ARMC9: variants seen among roughly 807,000 people sequenced by gnomAD.
ARMC9 encodes the protein lisH domain-containing protein ARMC9.
In ARMC9, 94 loss-of-function variants were observed where a neutral mutation model predicts 107.0. The ratio of observed to expected loss-of-function variants is 0.88; its 90% CI spans 0.74 to 1.04. The LOEUF is 1.04. Ranked by LOEUF, ARMC9 falls within the 50% of genes least tolerant of loss-of-function variation. The probability of loss-of-function intolerance (pLI) is 0.00; values close to 1 mark genes in which losing one functional copy is unlikely to be tolerated. For missense variants in ARMC9, 942 were observed against 1,030.1 expected, an observed-to-expected ratio of 0.91 and a Z score of 1.17; for synonymous variants, 380 against 396.9, an observed-to-expected ratio of 0.96 and a Z score of 0.51.
chr2:231,201,506 C>A (rs1374361711), intron 1 of ARMC9, among the ~76,000 whole-genome samples: 1 of 152,228 alleles, frequency 6.6e-6, no homozygotes, highest in Non-Finnish European at 1.5e-5. Flanking sequence ...CTGCCCACTC[C>A]CGTGGTCGGG....
intron 23 of ARMC9, among the ~76,000 whole-genome samples, chr2:231,364,923 G>A (rs1162207726): frequency 6.6e-6 from 1 of 152,252 alleles, no homozygotes; most frequent in African/African-American, 2.4e-5. Flanking sequence ...CAGTGCCTGT[G>A]TTGACCTAGG....
At chr2:231,357,175 G>A (rs1489265820) in intron 22 of ARMC9, among the ~76,000 whole-genome samples, 1 of 152,208 alleles carries the variant, frequency 6.6e-6, no homozygotes, top group Non-Finnish European at 1.5e-5. Flanking sequence ...CAAAGTCTGG[G>A]CCCAGGCACA....
chr2:231,251,061 A>G (rs1416344634), intron 9 of ARMC9, among the ~76,000 whole-genome samples: 1 of 152,166 alleles, frequency 6.6e-6, no homozygotes, highest in African/African-American at 2.4e-5. Flanking sequence ...AGCCCCTGGC[A>G]TGGGGATTGG....
intron 20 of ARMC9, among the ~76,000 whole-genome samples, chr2:231,335,544 A>C (rs1244138134): frequency 6.6e-6 from 1 of 152,188 alleles, no homozygotes; most frequent in East Asian, 1.9e-4. Context: ...CAAAATGCTG[A>C]AGAGCACGGC....
intron 1 of ARMC9, among the ~76,000 whole-genome samples, chr2:231,201,470 G>T (rs2030958827): frequency 6.6e-6 from 1 of 152,158 alleles, no homozygotes; most frequent in African/African-American, 2.4e-5. Context: ...TTACTTGCAG[G>T]CGTCTCTTTC....
intron 21 of ARMC9, among the ~76,000 whole-genome samples, chr2:231,354,003 A>G (rs535411447): frequency 1.5e-5 from 2 of 137,238 alleles, no homozygotes; most frequent in East Asian, 3.9e-4. Context: ...ACACACACAC[A>G]CACACACACA....
intron 1 of ARMC9, among the ~76,000 whole-genome samples, chr2:231,202,768 G>A (rs2031275354): frequency 6.6e-6 from 1 of 152,178 alleles, no homozygotes; most frequent in South Asian, 2.1e-4. Context: ...CACGAAGGGT[G>A]ACTTGACAGT....
In ARMC9 at chr2:231,362,132, ACCTG is replaced by A; in HGVS notation, c.2261+1254_2261+1257del. On this transcript the variant is annotated intron_variant, in intron 23 of 24. Coordinates refer to ENST00000611582, the MANE Select transcript of ARMC9 (RefSeq NM_001352754.2). This position sits in a 1 kb window ranked among gnomAD's most constrained non-coding sequence, Gnocchi z 4.7. ...CTGGACTCCTCCAGTTCCACTGCCA[ACCTG>A]CCTGGGGACCCAGGGACCTACCTCC... 6.6e-6 allele frequency among the ~76,000 whole-genome samples: 1 copy of A among 152,202 alleles called. No homozygotes were observed. Among genetic ancestry groups the A allele is most frequent in the Non-Finnish European group, 1.5e-5 (1 of 67,992 alleles).
chr2:231,316,733 A>G (rs1385348614), intron 19 of ARMC9, among the ~76,000 whole-genome samples: 2 of 151,542 alleles, frequency 1.3e-5, no homozygotes, highest in African/African-American at 4.8e-5. Flanking sequence ...CACTTTTAAT[A>G]GGTCATTCTT....
intron 19 of ARMC9, 127 bp downstream of exon 19, chr2:231,296,380 G>C (rs2041367278): frequency 1.1e-6 from 1 of 877,578 alleles, no homozygotes; most frequent in Non-Finnish European, 1.7e-6. Flanking sequence ...ACAATTCTGA[G>C]GGTTGGCTAA....
At chr2:231,300,453 G>A (rs775212010) in intron 19 of ARMC9, among the ~76,000 whole-genome samples, 1 of 152,206 alleles carries the variant, frequency 6.6e-6, no homozygotes, top group Non-Finnish European at 1.5e-5. Flanking sequence ...CCTAGATAGG[G>A]AAGATCACAG....
rs2045517081 is a variant in ARMC9, at chr2:231,360,320, G to A, written c.2132-434G>A. 6.6e-6 allele frequency among the ~76,000 whole-genome samples: 1 copy of A among 152,072 alleles called. No individual in the cohort carries two copies. The highest frequency in any genetic ancestry group is 2.1e-4 in the South Asian group (1 of 4,832). ...AAGGAGCCTTGGGCTGCTCGGTGAG[G>A]AGCACCCTACCTCTCAGGTTGTTGG... On this transcript the variant is annotated intron_variant, in intron 22 of 24. Transcript: ENST00000611582. This position sits in a 1 kb window ranked among gnomAD's most constrained non-coding sequence, Gnocchi z 4.7.
intron 18 of ARMC9, among the ~76,000 whole-genome samples, chr2:231,292,698 C>G (rs2041099235): frequency 6.6e-6 from 1 of 152,204 alleles, no homozygotes; most frequent in South Asian, 2.1e-4. Context: ...GTCACTGAGT[C>G]TCTCTCCATG....
chr2:231,203,559 C>A (rs137875366), intron 1 of ARMC9, among the ~76,000 whole-genome samples: 2 of 152,244 alleles, frequency 1.3e-5, no homozygotes, highest in Admixed American at 1.3e-4. Flanking sequence ...CATCAGCAGC[C>A]GGGCGTGGTG....
At chr2:231,229,578 G>T (rs1199265172) in intron 7 of ARMC9, among the ~76,000 whole-genome samples, 1 of 152,236 alleles carries the variant, frequency 6.6e-6, no homozygotes, top group Non-Finnish European at 1.5e-5. Context: ...AGCATGAATT[G>T]ATTCAACCCT....
rs1337338921 is a variant in ARMC9, at chr2:231,372,199, T to A, written c.*664T>A. The A allele has an allele frequency of 1.3e-5, 2 of 152,308 alleles. No individual in the cohort carries two copies. Among genetic ancestry groups the A allele is most frequent in the Non-Finnish European group, 2.9e-5 (2 of 68,172 alleles). The allele number at this position is 152,308 out of a possible 1,614,324, so 9.4% of individuals were successfully genotyped here. ...GGCTAACGTGGTGAAACCCCGTCTC[T>A]ACTAAAAAAATACAAAAAAATTAGC... On this transcript the variant is annotated 3_prime_UTR_variant, in exon 25 of 25. Transcript: ENST00000611582.
intron 19 of ARMC9, among the ~76,000 whole-genome samples, chr2:231,308,117 T>C (rs2042132991): frequency 1.3e-5 from 2 of 152,206 alleles, no homozygotes; most frequent in Admixed American, 6.5e-5. Context: ...AGCAGAGCCA[T>C]GCCTTCAGAG....
At chr2:231,219,816 A>G (rs2033922287) in intron 5 of ARMC9, among the ~76,000 whole-genome samples, 1 of 152,052 alleles carries the variant, frequency 6.6e-6, no homozygotes, top group Non-Finnish European at 1.5e-5. Context: ...TACACATAAC[A>G]TAAAATTTAC....
At chr2:231,226,660 C>T (rs2034670651) in intron 6 of ARMC9, 114 bp from the exon 7 acceptor site, 18 of 1,303,776 alleles carry the variant, frequency 1.4e-5, no homozygotes, top group African/African-American at 5.9e-5. Context: ...CTCCCGGCTC[C>T]GAGAATTCTG....
Sources: gnomAD v4.1 joint callset for allele counts (sites outside exome capture counted in the v4.1 genomes callset) on GRCh38, gnomAD v4.1.1 for gene constraint, Gnocchi (gnomAD v3.1) non-coding constraint, MANE v1.5 for transcripts, NCBI Gene and HGNC (gene_info 2026-07-23, HGNC 2026-07-21) for gene names.